Variants in KLHL2 observed in about 807,000 individuals in gnomAD.
The protein encoded by KLHL2 is kelch like family member 2.
Under a neutral mutation model 75.8 loss-of-function variants are expected in KLHL2, and 15 were observed. That is an observed-to-expected ratio of 0.20 (90% CI 0.13 to 0.30). The LOEUF (loss-of-function observed/expected upper bound fraction) is 0.30. KLHL2 is among the 10% of genes least tolerant of loss of function. The pLI is 1.00. For missense variants in KLHL2, 381 were observed against 741.0 expected (o/e 0.51, Z 5.64); for synonymous variants, 214 against 251.9 (o/e 0.85, Z 1.42).
In KLHL2 at chr4:165,207,619, C is replaced by A. The variant is rs1268669271; in HGVS notation, c.-258C>A. On this transcript the variant is annotated 5_prime_UTR_variant, in exon 1 of 15. Coordinates refer to ENST00000226725, the MANE Select transcript of KLHL2 (RefSeq NM_007246.4). This position sits in a 1 kb window ranked among gnomAD's most constrained non-coding sequence, Gnocchi z 4.2. ...GAACCCGGAAGTGGCCGAGCCCGCG[C>A]GCCCGCCGGTCCCGTCGCCGCCGCC... 1.3e-5 allele frequency: 2 copies of A among 149,364 alleles called. No individual in the cohort carries two copies. The highest frequency in any genetic ancestry group is 4.9e-5 in the African/African-American group (2 of 40,972). The allele number at this position is 149,364 out of a possible 1,614,324, so 9.3% of individuals were successfully genotyped here.
chr4:165,298,743 C>T (rs1745108742), intron 7 of KLHL2, among the ~76,000 whole-genome samples: 2 of 152,068 alleles, frequency 1.3e-5, no homozygotes, highest in Admixed American at 1.3e-4. Context: ...CGAGACCAGC[C>T]TGGCTAACGT....
chr4:165,305,769 T>C (rs772952814), intron 9 of KLHL2, 44 bp downstream of exon 9: 2 of 1,287,642 alleles, frequency 1.6e-6, no homozygotes. Flanking sequence ...CCTGGGTCAT[T>C]GGGAGCTTCT....
intron 5 of KLHL2, among the ~76,000 whole-genome samples, chr4:165,288,463 A>G (rs371723543): frequency 4.3e-4 from 66 of 152,268 alleles, no homozygotes; most frequent in African/African-American, 1.6e-3. Flanking sequence ...TAATCCATTC[A>G]CATGGTTCAT....
At chr4:165,219,717 A>G (rs1737834603) in intron 1 of KLHL2, 3 of 1,291,942 alleles carry the variant, frequency 2.3e-6, no homozygotes, top group Non-Finnish European at 2.9e-6. Context: ...CTTGGACACC[A>G]GGGAGGTAAT....
rs1736926201 is a variant in KLHL2 at position 165,207,774 on chromosome 4, G to T, written c.-103G>T. 2.3e-5 allele frequency: 25 copies of T among 1,070,624 alleles called. No individual in the cohort carries two copies. The South Asian group carries it at 3.9e-4, about 17-fold the overall frequency. The allele number at this position is 1,070,624 out of a possible 1,614,324, so 66.3% of individuals were successfully genotyped here. On this transcript the variant is annotated 5_prime_UTR_variant, in exon 1 of 15. Transcript: ENST00000226725. The surrounding 1 kb of genome is among the most constrained non-coding windows in gnomAD (Gnocchi z 4.2). ...AGAGCGCGGCGCCCCCTCCGGGGCG[G>T]ATGGAACGCGGCTCGGCGGGCGGGC...
At chr4:165,294,496 G>A (rs1744759982) in intron 6 of KLHL2, 28 bp downstream of exon 6, 1 of 1,249,412 alleles carries the variant, frequency 8.0e-7, no homozygotes, top group South Asian at 1.3e-5. Flanking sequence ...TTCCCAGTGT[G>A]CAATGATGTT....
intron 3 of KLHL2, among the ~76,000 whole-genome samples, chr4:165,237,211 T>C (rs1739422959): frequency 6.6e-6 from 1 of 152,144 alleles, no homozygotes; most frequent in African/African-American, 2.4e-5. Flanking sequence ...CCAGCAAGAA[T>C]AGGATAGAGA....
intron 4 of KLHL2, among the ~76,000 whole-genome samples, chr4:165,250,493 A>G (rs1740618761): frequency 6.6e-6 from 1 of 152,236 alleles, no homozygotes; most frequent in African/African-American, 2.4e-5. Flanking sequence ...TTCATGGCCC[A>G]GTGGACTTTG....
Position 165,263,457 on chromosome 4 carries a change from T to A in KLHL2, c.544+98T>A. 2.0e-6 allele frequency: 3 copies of A among 1,518,100 alleles called. No individual in the cohort carries two copies. In the South Asian group the frequency reaches 3.9e-5, roughly 20 times the overall value. The allele number at this position is 1,518,100 out of a possible 1,614,324, so 94.0% of individuals were successfully genotyped here. On this transcript the variant is annotated intron_variant, in intron 5 of 14. Coordinates refer to ENST00000226725, the MANE Select transcript of KLHL2 (RefSeq NM_007246.4). ...TGGAAAGTCATGTCATATTTCTGGA[T>A]CTGGGCTTTATAAAAATACATTTAA... is the stretch of plus-strand genomic sequence containing the variant.
At chr4:165,320,844 G>C (rs561406867) in intron 14 of KLHL2, among the ~76,000 whole-genome samples, 62 of 152,276 alleles carry the variant, frequency 4.1e-4, no homozygotes, top group African/African-American at 1.4e-3. Context: ...GATGGTGAAG[G>C]GTTTCAAGGT....
chr4:165,247,050 ACAGTGTTTGGCTGTGT>A (rs1414055961), intron 4 of KLHL2, among the ~76,000 whole-genome samples: 2 of 152,164 alleles, frequency 1.3e-5, no homozygotes, highest in Non-Finnish European at 2.9e-5. Flanking sequence ...CTTCAAGGAG[ACAGTGTTTGGCTGTGT>A]CAGATGTTCT....
At chr4:165,261,502 A>T (rs980900815) in intron 4 of KLHL2, among the ~76,000 whole-genome samples, 12 of 152,062 alleles carry the variant, frequency 7.9e-5, no homozygotes, top group Admixed American at 4.6e-4. Context: ...CACTACACCC[A>T]GCTAATTTTT....
intron 5 of KLHL2, among the ~76,000 whole-genome samples, chr4:165,269,810 G>A (rs1394019367): frequency 6.6e-6 from 1 of 151,742 alleles, no homozygotes; most frequent in Non-Finnish European, 1.5e-5. Flanking sequence ...CTCTTCTTGA[G>A]GATTATCTTT....
intron 5 of KLHL2, among the ~76,000 whole-genome samples, chr4:165,289,260 G>C (rs1484948170): frequency 2.0e-5 from 3 of 152,094 alleles, no homozygotes; most frequent in Non-Finnish European, 4.4e-5. Flanking sequence ...TTGCCAAATA[G>C]TGCCCTCTAT....
chr4:165,316,380 C>T (rs144256412), intron 13 of KLHL2, among the ~76,000 whole-genome samples: 7 of 152,252 alleles, frequency 4.6e-5, no homozygotes, highest in Non-Finnish European at 1.0e-4. Context: ...GTTGCATACA[C>T]ATGTAACTAC....
At chr4:165,243,249 A>G (rs577956809) in intron 4 of KLHL2, among the ~76,000 whole-genome samples, 2 of 152,336 alleles carry the variant, frequency 1.3e-5, no homozygotes, top group East Asian at 3.9e-4. Flanking sequence ...TTGTTACATG[A>G]GTTTGACTTC....
At chr4:165,237,794 TG>T (rs1373242414) in intron 3 of KLHL2, among the ~76,000 whole-genome samples, 1 of 152,198 alleles carries the variant, frequency 6.6e-6, no homozygotes, top group Non-Finnish European at 1.5e-5. Flanking sequence ...AAATCTTTTT[TG>T]CCCATGGCCC....
intron 6 of KLHL2, 122 bp from the exon 7 acceptor site, chr4:165,297,487 G>T (rs1745005220): frequency 1.6e-6 from 1 of 644,916 alleles, no homozygotes; most frequent in Non-Finnish European, 2.9e-6. Flanking sequence ...AAACACTTGA[G>T]CTGTGAATTA....
At chr4:165,303,639 T>A (rs1351198065) in intron 8 of KLHL2, among the ~76,000 whole-genome samples, 1 of 152,190 alleles carries the variant, frequency 6.6e-6, no homozygotes, top group Non-Finnish European at 1.5e-5. Flanking sequence ...CTCAGCTCAC[T>A]GCAACCTCTG....
Sources: allele counts gnomAD v4.1 joint callset (sites outside exome capture counted in the v4.1 genomes callset), GRCh38; gene constraint gnomAD v4.1.1; non-coding constraint Gnocchi (gnomAD v3.1); transcripts MANE v1.5; gene names NCBI Gene and HGNC (gene_info 2026-07-23, HGNC 2026-07-21).